Variants in CPED1 observed in about 807,000 individuals in gnomAD.
CPED1 encodes cadherin-like and PC-esterase domain-containing protein 1.
CPED1 carries 114 observed loss-of-function variants against 128.2 expected under a neutral mutation model. The observed-to-expected ratio is 0.89, with a 90% CI of 0.76 to 1.04. The LOEUF is 1.04. Among genes scored for constraint, CPED1 ranks in the 50% least tolerant of loss-of-function variants. CPED1 has a pLI of 0.00. For missense variants in CPED1, 1,211 were observed against 1,207.1 expected (o/e 1.00, Z -0.05); for synonymous variants, 462 against 426.7 (o/e 1.08, Z -1.02).
At chr7:121,163,163 T>A (rs1368429450) in intron 16 of CPED1, among the ~76,000 whole-genome samples, 1 of 152,194 alleles carries the variant, frequency 6.6e-6, no homozygotes, top group South Asian at 2.1e-4. Flanking sequence ...AATCCATTTA[T>A]CCAACTGCAT....
At chr7:121,191,100 T>G (rs962812214) in intron 16 of CPED1, among the ~76,000 whole-genome samples, 1 of 152,080 alleles carries the variant, frequency 6.6e-6, no homozygotes, top group Non-Finnish European at 1.5e-5. Flanking sequence ...ATTAATGGAA[T>G]GAGGAAAATG....
chr7:121,152,541 G>A (rs1196716417), intron 16 of CPED1, among the ~76,000 whole-genome samples: 1 of 152,088 alleles, frequency 6.6e-6, no homozygotes, highest in African/African-American at 2.4e-5. Context: ...TGTCATACAT[G>A]GATAGTAATG....
chr7:120,995,951 CCTCCTCCTCCTCCTCCTCCTT>C (rs1562985557), intron 2 of CPED1, among the ~76,000 whole-genome samples: 1 of 32,942 alleles, frequency 3.0e-5, no homozygotes, highest in Non-Finnish European at 9.8e-5. Context: ...TTCTTCTCCT[CCTCCTCCTCCTCCTCCTCCTT>C]CTTCTTCTTC....
chr7:121,080,469 A>AT (rs1424522964), intron 5 of CPED1, among the ~76,000 whole-genome samples: 3 of 152,158 alleles, frequency 2.0e-5, no homozygotes, highest in East Asian at 3.9e-4. Context: ...AATAATGAGA[A>AT]TTTTTTTGCA....
At chr7:121,116,971 TATATATAC>T (rs1259880952) in intron 7 of CPED1, among the ~76,000 whole-genome samples, 3 of 142,096 alleles carry the variant, frequency 2.1e-5, no homozygotes, top group East Asian at 2.4e-4. Flanking sequence ...TCTATATATA[TATATATAC>T]ACACACACAC....
intron 16 of CPED1, among the ~76,000 whole-genome samples, chr7:121,202,886 A>G (rs781173437): frequency 2.0e-5 from 3 of 152,142 alleles, no homozygotes; most frequent in Non-Finnish European, 1.5e-5. Flanking sequence ...TTCATTTTCC[A>G]AAGAGCCTCT....
At chr7:121,164,437 C>G (rs1182739025) in intron 16 of CPED1, among the ~76,000 whole-genome samples, 2 of 152,164 alleles carry the variant, frequency 1.3e-5, no homozygotes, top group Admixed American at 6.5e-5. Context: ...CACTGCTTTT[C>G]CTCATCCTAG....
intron 16 of CPED1, among the ~76,000 whole-genome samples, chr7:121,153,934 C>CT (rs2116409703): frequency 6.6e-6 from 1 of 152,220 alleles, no homozygotes; most frequent in South Asian, 2.1e-4. Context: ...AGATCCTAGT[C>CT]TATTTTATCA....
intron 2 of CPED1, among the ~76,000 whole-genome samples, chr7:120,992,792 G>C (rs1796329852): frequency 6.6e-6 from 1 of 152,074 alleles, no homozygotes; most frequent in South Asian, 2.1e-4. Flanking sequence ...TGTTGCAGTT[G>C]TATCTATGAG....
At chr7:121,108,595 TG>T (rs879494335) in intron 7 of CPED1, among the ~76,000 whole-genome samples, 24 of 151,882 alleles carry the variant, frequency 1.6e-4, no homozygotes, top group East Asian at 3.8e-4. Flanking sequence ...CATTTTGTAA[TG>T]TTTTTTTCAT....
chr7:121,292,729 A>T (rs1482384945), intron 22 of CPED1, among the ~76,000 whole-genome samples: 2 of 151,848 alleles, frequency 1.3e-5, no homozygotes, highest in African/African-American at 4.8e-5. Context: ...GTTGATGTTG[A>T]TGCTATTGCT....
At chr7:121,021,190 C>G (rs1792429652) in intron 3 of CPED1, among the ~76,000 whole-genome samples, 1 of 151,876 alleles carries the variant, frequency 6.6e-6, no homozygotes, top group Admixed American at 6.6e-5. Flanking sequence ...TTGGGAAATA[C>G]TATTAAAAGA....
intron 5 of CPED1, among the ~76,000 whole-genome samples, chr7:121,074,340 G>A (rs1411407683): frequency 6.6e-6 from 1 of 152,050 alleles, no homozygotes; most frequent in East Asian, 1.9e-4. Context: ...CAAAAGACTG[G>A]CAGCTGGCAT....
chr7:121,009,164 G>A (rs549524673), intron 2 of CPED1, among the ~76,000 whole-genome samples: 1 of 152,234 alleles, frequency 6.6e-6, no homozygotes, highest in East Asian at 1.9e-4. Context: ...TGGATTCCAA[G>A]CTCTTTCATG....
intron 5 of CPED1, among the ~76,000 whole-genome samples, chr7:121,075,624 G>A (rs527303350): frequency 2.5e-4 from 38 of 152,012 alleles, no homozygotes; most frequent in Admixed American, 9.2e-4. Context: ...TGCCATGCCC[G>A]GCTAATTTTT....
intron 3 of CPED1, among the ~76,000 whole-genome samples, chr7:121,033,642 T>A (rs1792798690): frequency 6.6e-6 from 1 of 152,224 alleles, no homozygotes; most frequent in African/African-American, 2.4e-5. Flanking sequence ...TGTTTGATTT[T>A]AAAATGGAAG....
chr7:121,150,758 T>C (rs1036180551), intron 16 of CPED1, among the ~76,000 whole-genome samples: 3 of 5,050 alleles, frequency 5.9e-4, no homozygotes, highest in African/African-American at 1.9e-3. Context: ...AAAACATTAT[T>C]ATTATTATTA....
Position 120,989,818 on chromosome 7 carries a change from C to G in CPED1, c.197C>G (p.Ser66Cys), listed in dbSNP as rs565665613. The change falls in exon 2 of 23, where the codon TCT (serine) becomes TGT (cysteine). Residue 66 changes from serine to cysteine, a missense_variant. Coordinates refer to ENST00000310396, the MANE Select transcript of CPED1 (RefSeq NM_024913.5). ...GCAAGCAGATGCAAGAAAGGATTCTCTCAGGACAAACAGTGCTTCCTTCTC... is the reference window on the plus strand; with the variant it reads ...GCAAGCAGATGCAAGAAAGGATTCTGTCAGGACAAACAGTGCTTCCTTCTC... ...TQASRCKKGF[S>C]QDKQCFLLSG... The G allele has an allele frequency of 6.2e-7, 1 of 1,614,002 alleles. No homozygotes were observed. The highest frequency in any genetic ancestry group is 1.7e-5 in the Admixed American group (1 of 60,002).
Position 120,989,749 on chromosome 7 carries a change from C to A in CPED1, c.128C>A (p.Ala43Asp), listed in dbSNP as rs1181084554. ...CTCCGAGGGTCGAGGAAGCTCACAGCCGCTGCCCCTGGGGCTGTCCCACAC... is the reference window on the plus strand; with the variant it reads ...CTCCGAGGGTCGAGGAAGCTCACAGACGCTGCCCCTGGGGCTGTCCCACAC... ...LTLRGSRKLT[A>D]AAPGAVPHTS... The change falls in exon 2 of 23, where the codon GCC becomes GAC. Residue 43 changes from alanine (A) to aspartate (D), a missense_variant. Ala to Asp is a moderately radical substitution (Grantham distance 126). Coordinates refer to ENST00000310396, the MANE Select transcript of CPED1 (RefSeq NM_024913.5). 6.2e-7 allele frequency: 1 copy of A among 1,613,902 alleles called. No individual in the cohort carries two copies. The highest frequency in any genetic ancestry group is 1.1e-5 in the South Asian group (1 of 91,066).
Sources: gnomAD v4.1 joint callset for allele counts (sites outside exome capture counted in the v4.1 genomes callset) on GRCh38, gnomAD v4.1.1 for gene constraint, MANE v1.5 for transcripts, NCBI Gene and HGNC (gene_info 2026-07-23, HGNC 2026-07-21) for gene names.